CARNMT1: variants seen among roughly 807,000 people sequenced by gnomAD.
The protein encoded by CARNMT1 is protein-L-histidine N-pros-methyltransferase CARNMT1.
In CARNMT1, 28 loss-of-function variants were observed where a neutral mutation model predicts 49.6. That is an observed-to-expected ratio of 0.56 (90% CI 0.42 to 0.77). The LOEUF (loss-of-function observed/expected upper bound fraction) is 0.77, where lower values mean the gene tolerates loss of function less well. CARNMT1 is among the 30% of genes least tolerant of loss of function. The probability of loss-of-function intolerance (pLI) is 0.00; values close to 1 mark genes in which losing one functional copy is unlikely to be tolerated. For synonymous variants in CARNMT1, 178 were observed against 175.0 expected, an observed-to-expected ratio of 1.02 and a Z score of -0.13; for missense variants, 421 against 512.6, an observed-to-expected ratio of 0.82 and a Z score of 1.73.
intron 3 of CARNMT1, among the ~76,000 whole-genome samples, chr9:75,012,726 A>T (rs1050635741): frequency 6.6e-6 from 1 of 151,950 alleles, no homozygotes; most frequent in Non-Finnish European, 1.5e-5. Context: ...GTTTTTAAAA[A>T]ATCTTATCTA....
chr9:74,984,903 T>C lies in CARNMT1; in HGVS notation c.1128+4A>G. 1.3e-6 allele frequency: 2 copies of C among 1,599,922 alleles called. No individual in the cohort carries two copies. The highest frequency in any genetic ancestry group is 1.7e-6 in the Non-Finnish European group (2 of 1,167,448). ...ACTTTGGCAATATTTTATTCCATTC[T>C]TACCTCTACCTTGAATCCATACTGC... On this transcript the variant is annotated splice_donor_region_variant and intron_variant, in intron 7 of 7. Transcript: ENST00000376834.
At chr9:74,994,675 A>T (rs986417647) in intron 6 of CARNMT1, among the ~76,000 whole-genome samples, 1 of 152,198 alleles carries the variant, frequency 6.6e-6, no homozygotes, top group African/African-American at 2.4e-5. Flanking sequence ...CACAGATTAG[A>T]TGCCCAGAAC....
In CARNMT1 at chr9:75,028,166, C is replaced by A. The variant is rs1822588319; in HGVS notation, c.76G>T (p.Glu26Ter). ...EGCGGGGGGS[E>*]EVEVQFSAGR... is the part of the protein sequence containing the mutation. The stretch of plus-strand genomic sequence containing the variant: ...GCGGAAAACTGCACTTCCACCTCCT[C>A]GCTGCCACCGCCTCCTCCCCCGCAG... The change falls in exon 1 of 8, where the codon GAG becomes TAG. Residue 26 changes from glutamate (E) to a stop codon, truncating the protein, a stop_gained. Coordinates refer to ENST00000376834, the MANE Select transcript of CARNMT1 (RefSeq NM_152420.3). LOFTEE classifies it high-confidence loss of function. The A allele has an allele frequency of 2.6e-6, 4 of 1,525,692 alleles. No individual in the cohort carries two copies. The highest frequency in any genetic ancestry group is 3.5e-6 in the Non-Finnish European group (4 of 1,138,008). 94.5% of individuals were successfully genotyped at this position (1,525,692 alleles called of 1,614,324 possible).
chr9:74,983,694 A>G lies in CARNMT1; in HGVS notation c.*73T>C. 1 of 830,010 alleles carries G rather than the reference A, an allele frequency of 1.2e-6. No individual in the cohort carries two copies. The highest frequency in any genetic ancestry group is 2.0e-6 in the Non-Finnish European group (1 of 509,174). The allele number at this position is 830,010 out of a possible 1,614,324, so 51.4% of individuals were successfully genotyped here. On this transcript the variant is annotated 3_prime_UTR_variant, in exon 8 of 8. Coordinates refer to ENST00000376834, the MANE Select transcript of CARNMT1 (RefSeq NM_152420.3). Reference sequence around the variant, plus strand: ...GAGGTTGTGTCCTGTCATCACTGATAGTTGATTTTGAGTCGTTGATTTCAG... The same window carrying G: ...GAGGTTGTGTCCTGTCATCACTGATGGTTGATTTTGAGTCGTTGATTTCAG...
At chr9:75,011,764 GA>G (rs1443490437) in intron 3 of CARNMT1, among the ~76,000 whole-genome samples, 1 of 152,164 alleles carries the variant, frequency 6.6e-6, no homozygotes, top group Non-Finnish European at 1.5e-5. Flanking sequence ...GAAAGACAAG[GA>G]ACTGTGGGTT....
Position 74,984,108 on chromosome 9 carries a change from A to G in CARNMT1, c.1129-240T>C, listed in dbSNP as rs117142304. ...AGGCAGTCTTGAGCTCTGAACTACT[A>G]TAATATGTTGCTTCTCGTCATTCTT... On this transcript the variant is annotated intron_variant, in intron 7 of 7. Transcript: ENST00000376834. Among the ~76,000 whole-genome samples the G allele has an allele frequency of 1.4e-3, 210 of 152,340 alleles. 2 individuals are homozygous for G. In the East Asian group the frequency reaches 0.034, roughly 25 times the overall value.
intron 1 of CARNMT1, among the ~76,000 whole-genome samples, chr9:75,025,884 T>C (rs980205353): frequency 6.6e-6 from 1 of 152,202 alleles, no homozygotes; most frequent in Admixed American, 6.5e-5. Flanking sequence ...GAAATATGGG[T>C]AGTGAAACTG....
At chr9:75,009,205 A>G (rs1308186624) in intron 3 of CARNMT1, among the ~76,000 whole-genome samples, 1 of 152,154 alleles carries the variant, frequency 6.6e-6, no homozygotes, top group African/African-American at 2.4e-5. Flanking sequence ...TTAAAACTAT[A>G]AAAACCTTAT....
Position 74,983,725 on chromosome 9 carries a change from G to C in CARNMT1, c.*42C>G, listed in dbSNP as rs746964730. The C allele has an allele frequency of 4.2e-6, 5 of 1,198,936 alleles. No individual in the cohort carries two copies. Among genetic ancestry groups the C allele is most frequent in the Non-Finnish European group, 4.8e-6 (4 of 831,576 alleles). 74.3% of individuals were successfully genotyped at this position (1,198,936 alleles called of 1,614,324 possible). ...TTTTGAGTCGTTGATTTCAGCATTT[G>C]TTCTTACTAAACTTTTTTCCAGGTG... is the stretch of plus-strand genomic sequence containing the variant. On this transcript the variant is annotated 3_prime_UTR_variant, in exon 8 of 8. Coordinates refer to ENST00000376834, the MANE Select transcript of CARNMT1 (RefSeq NM_152420.3).
chr9:74,999,822 T>C lies in CARNMT1; in HGVS notation c.639A>G (p.Arg213=). Residue 213 remains arginine, a synonymous_variant, in exon 4 of 8, where the codon AGA becomes AGG. Coordinates refer to ENST00000376834, the MANE Select transcript of CARNMT1 (RefSeq NM_152420.3). The stretch of plus-strand genomic sequence containing the variant: ...CTAGCATAGCTATTTCCCAGGCCAG[T>C]CTTCCTAGTCCAGCACCAGGTACCA... ...NILVPGAGLG[R]LAWEIAMLGY... 6.2e-7 allele frequency: 1 copy of C among 1,612,752 alleles called. No homozygotes were observed. Among genetic ancestry groups the C allele is most frequent in the Non-Finnish European group, 8.5e-7 (1 of 1,179,232 alleles).
chr9:74,992,009 C>T (rs771314007), intron 6 of CARNMT1, among the ~76,000 whole-genome samples: 29 of 152,134 alleles, frequency 1.9e-4, no homozygotes, highest in Non-Finnish European at 2.8e-4. Flanking sequence ...CAGTGGCTCA[C>T]GCTTGTAATC....
At chr9:75,023,566 T>C (rs1822439350) in intron 1 of CARNMT1, among the ~76,000 whole-genome samples, 2 of 152,212 alleles carry the variant, frequency 1.3e-5, no homozygotes, top group Non-Finnish European at 2.9e-5. Context: ...TGCCATAACA[T>C]ACATCCACCA....
In CARNMT1 at chr9:74,998,668, G is replaced by A. The variant is rs1833267889; in HGVS notation, c.840C>T (p.Pro280=). Reference sequence around the variant, plus strand: ...AGTTAGAACCAGGAGGAAGACTGTGGGGGTCAACATCAGGGAAAAAGATGG... The same window carrying A: ...AGTTAGAACCAGGAGGAAGACTGTGAGGGTCAACATCAGGGAAAAAGATGG... The part of the protein sequence containing the change: ...IRPIFFPDVD[P]HSLPPGSNFS... Residue 280 remains proline (P), a synonymous_variant, in exon 5 of 8, where the codon CCC becomes CCT. Coordinates refer to ENST00000376834, the MANE Select transcript of CARNMT1 (RefSeq NM_152420.3). The A allele has an allele frequency of 8.1e-6, 13 of 1,608,632 alleles. No homozygotes were observed. The highest frequency in any genetic ancestry group is 1.1e-5 in the Non-Finnish European group (13 of 1,177,262).
intron 3 of CARNMT1, among the ~76,000 whole-genome samples, chr9:75,000,363 A>G (rs1276645671): frequency 6.6e-6 from 1 of 152,220 alleles, no homozygotes; most frequent in Non-Finnish European, 1.5e-5. Flanking sequence ...AAATCCCTAT[A>G]TATTTTAGTT....
intron 3 of CARNMT1, among the ~76,000 whole-genome samples, chr9:75,010,661 A>T (rs1291528827): frequency 6.6e-6 from 1 of 152,218 alleles, no homozygotes; most frequent in East Asian, 1.9e-4. Flanking sequence ...ATGTGAAGAG[A>T]CATAGCAAAG....
upstream of CARNMT1, chr9:75,028,419 G>T (rs1426369150): frequency 2.3e-6 from 3 of 1,287,842 alleles, no homozygotes; most frequent in Non-Finnish European, 2.9e-6. Flanking sequence ...GGTCTTCAGG[G>T]CTCCCAGAAC....
chr9:75,022,993 T>A (rs1176992562), intron 1 of CARNMT1, among the ~76,000 whole-genome samples: 3 of 151,948 alleles, frequency 2.0e-5, no homozygotes, highest in Non-Finnish European at 4.4e-5. Context: ...ATACAAAAAA[T>A]TAGCCAGGCA....
intron 4 of CARNMT1, 86 bp downstream of exon 4, chr9:74,999,644 C>A: frequency 8.2e-7 from 1 of 1,219,812 alleles, no homozygotes; most frequent in South Asian, 1.5e-5. Flanking sequence ...ATGTACTTAT[C>A]TTCAAATTCA....
intron 3 of CARNMT1, 111 bp downstream of exon 3, chr9:75,016,157 A>G: frequency 1.3e-6 from 1 of 769,376 alleles, no homozygotes; most frequent in Admixed American, 2.7e-5. Context: ...CATGTAAAAC[A>G]TACAGGCACA....
Sources: allele counts gnomAD v4.1 joint callset (sites outside exome capture counted in the v4.1 genomes callset), GRCh38; gene constraint gnomAD v4.1.1; transcripts MANE v1.5; gene names NCBI Gene and HGNC (gene_info 2026-07-23, HGNC 2026-07-21).